Variants in WDR33 observed in about 807,000 individuals in gnomAD.
The protein encoded by WDR33 is pre-mRNA 3' end processing protein WDR33.
Under a neutral mutation model 164.9 loss-of-function variants are expected in WDR33, and 47 were observed. That is an observed-to-expected ratio of 0.29 (90% CI 0.23 to 0.36). The LOEUF (loss-of-function observed/expected upper bound fraction) is 0.36. Ranked by LOEUF, WDR33 falls within the 10% of genes least tolerant of loss-of-function variation. WDR33 has a pLI of 1.00. For missense variants in WDR33, 1,137 were observed against 1,754.1 expected, an observed-to-expected ratio of 0.65 and a Z score of 6.28; for synonymous variants, 505 against 589.0, an observed-to-expected ratio of 0.86 and a Z score of 2.06.
rs1686070291 is a variant in WDR33 at position 127,708,551 on chromosome 2, T to C, written c.3781+126A>G. 1 of 1,056,414 alleles carries C rather than the reference T, an allele frequency of 9.5e-7. No individual in the cohort carries two copies. Among genetic ancestry groups the C allele is most frequent in the South Asian group, 1.8e-5 (1 of 57,040 alleles). The allele number at this position is 1,056,414 out of a possible 1,614,324, so 65.4% of individuals were successfully genotyped here. A position where few individuals can be genotyped will look rare whatever the true frequency, so the allele number is the denominator to read the frequency against. The stretch of plus-strand genomic sequence containing the variant: ...CACCAGATGACAGCTCGTGTGGCAC[T>C]GGCACCACATTTAGGAGCATGTGCC... On this transcript the variant is annotated intron_variant, in intron 21 of 21. Transcript: ENST00000322313. This position sits in a 1 kb window ranked among gnomAD's most constrained non-coding sequence, Gnocchi z 6.7.
chr2:127,753,418 G>A (rs960743406), intron 7 of WDR33, among the ~76,000 whole-genome samples: 1 of 152,168 alleles, frequency 6.6e-6, no homozygotes, highest in African/African-American at 2.4e-5. Context: ...GAAAAGTTCT[G>A]AAATAACCAC....
chr2:127,793,158 C>T (rs187471238), intron 1 of WDR33, among the ~76,000 whole-genome samples: 75 of 152,220 alleles, frequency 4.9e-4, no homozygotes, highest in African/African-American at 1.7e-3. Flanking sequence ...GGGCCTGGCA[C>T]GGTGGCTCAT....
At chr2:127,737,500 A>AACT in intron 7 of WDR33, 1 of 986,182 alleles carries the variant, frequency 1.0e-6, no homozygotes, top group Non-Finnish European at 1.2e-6. Flanking sequence ...GAAAAGCTAG[A>AACT]AAAGTGCAAA....
chr2:127,722,456 T>C lies in WDR33; in HGVS notation c.1518+135A>G, dbSNP rs1686463005. 2 of 1,228,274 alleles carry C rather than the reference T, an allele frequency of 1.6e-6. No individual in the cohort carries two copies. The highest frequency in any genetic ancestry group is 1.5e-5 in the African/African-American group (1 of 65,830). 76.1% of individuals were successfully genotyped at this position (1,228,274 alleles called of 1,614,324 possible). ...ACTGCAAAGCAGTAGATGAGAACCATGTCTAAGAGTACGTGAACATGGGAA... is the reference window on the plus strand; with the variant it reads ...ACTGCAAAGCAGTAGATGAGAACCACGTCTAAGAGTACGTGAACATGGGAA... On this transcript the variant is annotated intron_variant, in intron 14 of 21. Coordinates refer to ENST00000322313, the MANE Select transcript of WDR33 (RefSeq NM_018383.5). This position sits in a 1 kb window ranked among gnomAD's most constrained non-coding sequence, Gnocchi z 5.1.
chr2:127,766,288 C>T (rs1184553276), intron 4 of WDR33, among the ~76,000 whole-genome samples: 1 of 152,194 alleles, frequency 6.6e-6, no homozygotes, highest in Non-Finnish European at 1.5e-5. Flanking sequence ...AATACAAATA[C>T]ATATGTGCTT....
rs781432646 is a variant in WDR33 at position 127,763,168 on chromosome 2, T to C, written c.627-9A>G. 3.1e-6 allele frequency: 5 copies of C among 1,613,892 alleles called. No individual in the cohort carries two copies. The highest frequency in any genetic ancestry group is 4.2e-6 in the Non-Finnish European group (5 of 1,179,882). On this transcript the variant is annotated splice_polypyrimidine_tract_variant and intron_variant, in intron 6 of 21. Coordinates refer to ENST00000322313, the MANE Select transcript of WDR33 (RefSeq NM_018383.5). The surrounding 1 kb of genome is among the most constrained non-coding windows in gnomAD (Gnocchi z 4.5). ...TATCCGTGGGTGAGAAACTGTTACA[T>C]GAAGACACACAGCAGGGGAAAGAAG...
At position 127,723,484 on chromosome 2, in the gene WDR33, T is replaced by C; in HGVS notation, c.1197-137A>G. 1.4e-6 allele frequency: 1 copy of C among 695,396 alleles called. No homozygotes were observed. Among genetic ancestry groups the C allele is most frequent in the Non-Finnish European group, 2.3e-6 (1 of 428,054 alleles). 43.1% of individuals were successfully genotyped at this position (695,396 alleles called of 1,614,324 possible). A position where few individuals can be genotyped will look rare whatever the true frequency, so the allele number is the denominator to read the frequency against. ...TCTACAAATTTAAAATGTGAGGTCA[T>C]ACACTTTGGCTCACATCTGTAATCC... On this transcript the variant is annotated intron_variant, in intron 11 of 21. Coordinates refer to ENST00000322313, the MANE Select transcript of WDR33 (RefSeq NM_018383.5). This position sits in a 1 kb window ranked among gnomAD's most constrained non-coding sequence, Gnocchi z 5.9.
At chr2:127,772,370 G>C (rs993051753) in intron 1 of WDR33, among the ~76,000 whole-genome samples, 2 of 151,860 alleles carry the variant, frequency 1.3e-5, no homozygotes, top group East Asian at 1.9e-4. Context: ...ACCCGGGAGG[G>C]AGAGGTTGCA....
At chr2:127,733,869 G>A (rs1686771823) in intron 7 of WDR33, among the ~76,000 whole-genome samples, 1 of 152,216 alleles carries the variant, frequency 6.6e-6, no homozygotes. Context: ...GAGAAGACCT[G>A]CAGAACTATC....
intron 1 of WDR33, among the ~76,000 whole-genome samples, chr2:127,784,706 A>G (rs2105466607): frequency 6.6e-6 from 1 of 152,272 alleles, no homozygotes; most frequent in South Asian, 2.1e-4. Flanking sequence ...CAAGCTTTTT[A>G]TACTCTGTTA....
intron 7 of WDR33, among the ~76,000 whole-genome samples, chr2:127,739,976 C>T (rs1000985768): frequency 6.6e-6 from 1 of 152,138 alleles, no homozygotes; most frequent in African/African-American, 2.4e-5. Context: ...TGCCATTTAC[C>T]TCTCAGAACT....
At chr2:127,793,882 C>A (rs537439980) in intron 1 of WDR33, among the ~76,000 whole-genome samples, 17 of 152,290 alleles carry the variant, frequency 1.1e-4, no homozygotes, top group African/African-American at 4.1e-4. Flanking sequence ...CGCCTGTAAT[C>A]CCTGAACTTT....
rs10210689 is a variant in WDR33 at position 127,727,179 on chromosome 2, C to T, written c.725-402G>A. Reference sequence around the variant, plus strand: ...CCCACTTTGTGATAGTTCTTACAGACGAACTTGATTCAACCTGAATTTAGG... The same window carrying T: ...CCCACTTTGTGATAGTTCTTACAGATGAACTTGATTCAACCTGAATTTAGG... On this transcript the variant is annotated intron_variant, in intron 7 of 21. Coordinates refer to ENST00000322313, the MANE Select transcript of WDR33 (RefSeq NM_018383.5). Among the ~76,000 whole-genome samples the T allele has an allele frequency of 7.0e-3, 1,069 of 152,288 alleles. 10 individuals carry two copies. Among genetic ancestry groups the T allele is most frequent in the African/African-American group, 0.024 (1,016 of 41,558 alleles).
chr2:127,750,727 CATAT>C (rs1199695849), intron 7 of WDR33, among the ~76,000 whole-genome samples: 3 of 42,152 alleles, frequency 7.1e-5, no homozygotes, highest in African/African-American at 4.2e-4. Context: ...TGTATGCATA[CATAT>C]ATATGTATGC....
At chr2:127,774,771 A>G (rs1270255591) in intron 1 of WDR33, among the ~76,000 whole-genome samples, 1 of 152,108 alleles carries the variant, frequency 6.6e-6, no homozygotes, top group Non-Finnish European at 1.5e-5. Flanking sequence ...CGGAGCTTGC[A>G]GTGAGCAGAG....
In WDR33 at chr2:127,731,316, A is replaced by AAAC. The variant is rs1558927947; in HGVS notation, c.725-4542_725-4540dup. Among the ~76,000 whole-genome samples, 79 of 150,036 alleles carry AAAC rather than the reference A, an allele frequency of 5.3e-4. 1 individual carries two copies. The highest frequency in any genetic ancestry group is 1.8e-3 in the African/African-American group (71 of 40,068). ...CCTCAAAAAAAAAAAAAAAAAAAAAAAACACAGAAAAGCAAAAATTAAATT... is the reference window on the plus strand; with the variant it reads ...CCTCAAAAAAAAAAAAAAAAAAAAAAAACAACACAGAAAAGCAAAAATTAAATT... On this transcript the variant is annotated intron_variant, in intron 7 of 21. Transcript: ENST00000322313.
rs956900251 is a variant in WDR33 at position 127,790,002 on chromosome 2, A to AT, written c.-23-18999dup. 1.1e-4 allele frequency among the ~76,000 whole-genome samples: 17 copies of AT among 151,790 alleles called. No homozygotes were observed. In the East Asian group the frequency reaches 1.4e-3, roughly 12 times the overall value. On this transcript the variant is annotated intron_variant, in intron 1 of 21. Transcript: ENST00000322313. ...AGGTGCATGCCACCACGCCTGGCTA[A>AT]TTTTTTTTATTTTTAGTAGAGACAG...
rs1159476869 is a variant in WDR33 at position 127,741,870 on chromosome 2, T to C, written c.725-15093A>G. ...AAAAATGAAAAGATTAGAGAACCAC[T>C]AGAAATTCTTGAAAAGTAAACATGC... On this transcript the variant is annotated intron_variant, in intron 7 of 21. Transcript: ENST00000322313. This position sits in a 1 kb window ranked among gnomAD's most constrained non-coding sequence, Gnocchi z 4.1. Among the ~76,000 whole-genome samples, 2 of 151,928 alleles carry C rather than the reference T, an allele frequency of 1.3e-5. No homozygotes were observed. Among genetic ancestry groups the C allele is most frequent in the African/African-American group, 2.4e-5 (1 of 41,372 alleles).
At chr2:127,727,008 C>G (rs1238681393) in intron 7 of WDR33, among the ~76,000 whole-genome samples, 1 of 152,154 alleles carries the variant, frequency 6.6e-6, no homozygotes, top group African/African-American at 2.4e-5. Context: ...CCAAGTGCAT[C>G]TTCTCACCTA....
Sources: gnomAD v4.1 joint callset for allele counts (sites outside exome capture counted in the v4.1 genomes callset) on GRCh38, gnomAD v4.1.1 for gene constraint, Gnocchi (gnomAD v3.1) non-coding constraint, MANE v1.5 for transcripts, NCBI Gene and HGNC (gene_info 2026-07-23, HGNC 2026-07-21) for gene names.